COL27A1: variants seen among roughly 807,000 people sequenced by gnomAD.
COL27A1 encodes collagen alpha-1(XXVII) chain.
Under a neutral mutation model 251.3 loss-of-function variants are expected in COL27A1, and 106 were observed. The ratio of observed to expected loss-of-function variants is 0.42; its 90% confidence interval spans 0.36 to 0.50. The LOEUF (loss-of-function observed/expected upper bound fraction) is 0.50, where lower values mean the gene tolerates loss of function less well. Among genes scored for constraint, COL27A1 ranks in the 20% least tolerant of loss-of-function variants. COL27A1 has a pLI of 0.00. For missense variants in COL27A1, 2,325 were observed against 2,522.8 expected (o/e 0.92, Z 1.68); for synonymous variants, 1,000 against 986.3 (o/e 1.01, Z -0.26).
intron 16 of COL27A1, 125 bp downstream of exon 16, chr9:114,231,991 C>A (rs1831999685): frequency 1.1e-6 from 1 of 923,652 alleles, no homozygotes; most frequent in East Asian, 2.4e-5. Context: ...CTCCTCTGGC[C>A]TCCCCTAAAT....
chr9:114,185,009 C>T (rs1217313446), intron 5 of COL27A1, among the ~76,000 whole-genome samples: 1 of 152,196 alleles, frequency 6.6e-6, no homozygotes, highest in African/African-American at 2.4e-5. Flanking sequence ...AGCAGATGCT[C>T]CATCAGCCCC....
chr9:114,235,183 C>T (rs985991827), intron 16 of COL27A1, among the ~76,000 whole-genome samples: 5 of 151,968 alleles, frequency 3.3e-5, no homozygotes, highest in African/African-American at 1.2e-4. Flanking sequence ...ATTGAGCAGA[C>T]ACAAACGCTC....
chr9:114,254,395 C>T (rs879584920), intron 27 of COL27A1, among the ~76,000 whole-genome samples: 1 of 151,936 alleles, frequency 6.6e-6, no homozygotes, highest in Non-Finnish European at 1.5e-5. Context: ...TGGGCTTGCT[C>T]TCATTTGGAG....
At chr9:114,198,707 G>A (rs776436371) in intron 7 of COL27A1, among the ~76,000 whole-genome samples, 3 of 152,180 alleles carry the variant, frequency 2.0e-5, no homozygotes, top group African/African-American at 7.2e-5. Flanking sequence ...CTGCCTGCCC[G>A]AGAAGGTTTG....
At chr9:114,214,189 G>A (rs1376717731) in intron 12 of COL27A1, among the ~76,000 whole-genome samples, 1 of 152,138 alleles carries the variant, frequency 6.6e-6, no homozygotes, top group Non-Finnish European at 1.5e-5. Flanking sequence ...TCCCTCTGTT[G>A]CTGTTGCTCC....
intron 14 of COL27A1, among the ~76,000 whole-genome samples, chr9:114,228,722 GTGCTGGCAACTGGCATTTGCTTA>G (rs1831701249): frequency 6.6e-6 from 1 of 152,266 alleles, no homozygotes; most frequent in South Asian, 2.1e-4. Flanking sequence ...GCTTAGCACA[GTGCTGGCAACTGGCATTTGCTTA>G]TTATTATCAC....
chr9:114,300,945 C>A, intron 51 of COL27A1, 127 bp from the exon 52 acceptor site: 2 of 956,230 alleles, frequency 2.1e-6, no homozygotes, highest in Non-Finnish European at 3.2e-6. Flanking sequence ...AGATGCATGG[C>A]CTGGGCCCGC....
Position 114,190,416 on chromosome 9 carries a change from G to A in COL27A1, c.2017-3988G>A, listed in dbSNP as rs530780845. ...CTCCCAAGTAGCTGGGACTACAGGT[G>A]TGCACCACCACACCCAGCTAAATTT... On this transcript the variant is annotated intron_variant, in intron 5 of 60. Coordinates refer to ENST00000356083, the MANE Select transcript of COL27A1 (RefSeq NM_032888.4). Among the ~76,000 whole-genome samples, 3 of 152,250 alleles carry A rather than the reference G, an allele frequency of 2.0e-5. No homozygotes were observed. The East Asian group carries it at 5.8e-4, about 29-fold the overall frequency.
At chr9:114,181,037 A>G (rs1476409736) in intron 4 of COL27A1, among the ~76,000 whole-genome samples, 1 of 152,134 alleles carries the variant, frequency 6.6e-6, no homozygotes, top group Non-Finnish European at 1.5e-5. Flanking sequence ...CCTCTGTCCA[A>G]TTCCCACTGA....
In COL27A1 at chr9:114,304,674, G is replaced by T. The variant is rs1432130710; in HGVS notation, c.4938+1G>T. 1 of 1,613,772 alleles carries T rather than the reference G, an allele frequency of 6.2e-7. No homozygotes were observed. The highest frequency in any genetic ancestry group is 2.2e-5 in the East Asian group (1 of 44,890). ...CACCAGTGGAGCACTCAGGCCAGAG[G>T]TATCTCCAGGGGCTCTCCCCATGTG... On this transcript the variant is annotated splice_donor_variant, in intron 57 of 60. Transcript: ENST00000356083. LOFTEE classifies it high-confidence loss of function.
intron 24 of COL27A1, among the ~76,000 whole-genome samples, chr9:114,248,278 C>T (rs923180725): frequency 2.6e-5 from 4 of 152,314 alleles, no homozygotes; most frequent in African/African-American, 7.2e-5. Context: ...CAAGACACCC[C>T]GTCCAGGGGC....
At chr9:114,158,254 G>A (rs1402242907) in intron 1 of COL27A1, among the ~76,000 whole-genome samples, 1 of 152,150 alleles carries the variant, frequency 6.6e-6, no homozygotes, top group Non-Finnish European at 1.5e-5. Context: ...CTGTGGCCTG[G>A]GTCTCAGCTC....
chr9:114,168,620 A>G lies in COL27A1; in HGVS notation c.1065A>G (p.Pro355=), dbSNP rs751932068. The G allele has an allele frequency of 4.3e-6, 7 of 1,614,044 alleles. No individual in the cohort carries two copies. Among genetic ancestry groups the G allele is most frequent in the African/African-American group, 4.0e-5 (3 of 74,918 alleles). The change falls in exon 3 of 61, where the codon CCA becomes CCG. Residue 355 remains proline (P), a synonymous_variant. Transcript: ENST00000356083. ...TRTPRPAAAQ[P]SQKITATKIP... The stretch of plus-strand genomic sequence containing the variant: ...CGCCTCGCCCTGCGGCCGCTCAACC[A>G]TCACAGAAGATCACAGCCACCAAAA...
At position 114,289,304 on chromosome 9, in the gene COL27A1, GC is replaced by G. The variant is rs1353541738; in HGVS notation, c.4206+11del. ...GATCGAAAGGCGCAGAGGTAAGAGG[GC>G]CGGGGGTTCAGCAGGGAGACTGAGT... is the stretch of plus-strand genomic sequence containing the variant. On this transcript the variant is annotated intron_variant, in intron 45 of 60. Coordinates refer to ENST00000356083, the MANE Select transcript of COL27A1 (RefSeq NM_032888.4). 1.3e-6 allele frequency: 2 copies of G among 1,579,222 alleles called. No homozygotes were observed. The highest frequency in any genetic ancestry group is 1.9e-5 in the Admixed American group (1 of 51,804).
rs1401322428 is a variant in COL27A1, at chr9:114,196,007, C to A, written c.2119C>A (p.Arg707=). 6.2e-7 allele frequency: 1 copy of A among 1,613,976 alleles called. No individual in the cohort carries two copies. Among genetic ancestry groups the A allele is most frequent in the East Asian group, 2.2e-5 (1 of 44,862 alleles). ...GLSGNPGPPG[R]KGHKGYPGPA... is the part of the protein sequence containing the mutation. ...CTCCGGGAATCCAGGACCTCCGGGA[C>A]GAAAGGTACTGTTTGGTTTTGATGC... Residue 707 remains arginine, a synonymous_variant, in exon 7 of 61, where the codon CGA becomes AGA. Transcript: ENST00000356083.
At chr9:114,295,667 T>G (rs1160358610) in intron 49 of COL27A1, among the ~76,000 whole-genome samples, 3 of 150,986 alleles carry the variant, frequency 2.0e-5, no homozygotes, top group Non-Finnish European at 2.9e-5. Context: ...TGTTTTTTTG[T>G]TTTTTTTGAG....
intron 27 of COL27A1, among the ~76,000 whole-genome samples, chr9:114,253,222 T>C (rs1833661298): frequency 6.7e-6 from 1 of 149,476 alleles, no homozygotes; most frequent in Non-Finnish European, 1.5e-5. Flanking sequence ...ATCGTGCCAC[T>C]GCACTCTGCC....
chr9:114,283,864 G>A, intron 40 of COL27A1, 102 bp downstream of exon 40: 1 of 1,222,662 alleles, frequency 8.2e-7, no homozygotes, highest in South Asian at 1.3e-5. Context: ...GCTGAAGGCT[G>A]ACCCCTGGAA....
At chr9:114,279,949 A>C (rs1306753994) in intron 37 of COL27A1, among the ~76,000 whole-genome samples, 1 of 152,234 alleles carries the variant, frequency 6.6e-6, no homozygotes, top group Non-Finnish European at 1.5e-5. Flanking sequence ...AAAATCATTA[A>C]TAAGATATTT....
Sources: allele counts gnomAD v4.1 joint callset (sites outside exome capture counted in the v4.1 genomes callset), GRCh38; gene constraint gnomAD v4.1.1; transcripts MANE v1.5; gene names NCBI Gene and HGNC (gene_info 2026-07-23, HGNC 2026-07-21).